The following CEP97 variants were observed in gnomAD, a reference collection of about 807,000 sequenced individuals.
The protein encoded by CEP97 is centrosomal protein 97, also known as centrosomal protein of 97 kDa.
In CEP97, 43 loss-of-function variants were observed where a neutral mutation model predicts 73.1. The observed-to-expected ratio is 0.59, with a 90% CI of 0.46 to 0.76. The LOEUF (loss-of-function observed/expected upper bound fraction) is 0.76. Ranked by LOEUF, CEP97 falls within the 30% of genes least tolerant of loss-of-function variation. The pLI is 0.00. For synonymous variants in CEP97, 337 were observed against 370.0 expected (o/e 0.91, Z 1.02); for missense variants, 939 against 1,014.0 (o/e 0.93, Z 1.00).
intron 6 of CEP97, among the ~76,000 whole-genome samples, chr3:101,740,472 C>T (rs1938414075): frequency 6.6e-6 from 1 of 152,066 alleles, no homozygotes; most frequent in Non-Finnish European, 1.5e-5. Flanking sequence ...AGAGAGGACA[C>T]AAACAAATGG....
Position 101,727,558 on chromosome 3 carries a change from T to C in CEP97, c.345+17T>C. On this transcript the variant is annotated intron_variant, in intron 3 of 10. Coordinates refer to ENST00000341893, the MANE Select transcript of CEP97 (RefSeq NM_024548.4). ...AATCTTAAGGTGAATGGTTTCTTTT[T>C]TGTTTACAAAACTATTCTGCGTAAA... The C allele has an allele frequency of 1.3e-6, 2 of 1,585,948 alleles. No individual in the cohort carries two copies. The highest frequency in any genetic ancestry group is 1.4e-5 in the African/African-American group (1 of 73,794).
chr3:101,734,069 G>T (rs1156595047), intron 6 of CEP97, among the ~76,000 whole-genome samples: 1 of 149,996 alleles, frequency 6.7e-6, no homozygotes, highest in Non-Finnish European at 1.5e-5. Flanking sequence ...CAGGTGATGC[G>T]CCCGCCTCGG....
At chr3:101,750,809 C>G (rs1560016628) in intron 6 of CEP97, among the ~76,000 whole-genome samples, 1 of 151,944 alleles carries the variant, frequency 6.6e-6, no homozygotes, top group African/African-American at 2.4e-5. Context: ...CTCTTTTCTT[C>G]TTTATTAGTC....
At chr3:101,752,162 G>T (rs372035420) in intron 6 of CEP97, among the ~76,000 whole-genome samples, 1 of 152,140 alleles carries the variant, frequency 6.6e-6, no homozygotes, top group South Asian at 2.1e-4. Context: ...AGCTTAGTAT[G>T]CCTGGATATG....
chr3:101,731,453 G>A (rs931899645), intron 4 of CEP97, among the ~76,000 whole-genome samples: 1 of 151,778 alleles, frequency 6.6e-6, no homozygotes, highest in Non-Finnish European at 1.5e-5. Context: ...TTCCCTCCTT[G>A]GCCTCCCAAA....
intron 9 of CEP97, among the ~76,000 whole-genome samples, chr3:101,762,135 T>A (rs533048754): frequency 6.6e-6 from 1 of 152,296 alleles, no homozygotes; most frequent in African/African-American, 2.4e-5. Context: ...TTTGTTTGGC[T>A]GAGAAATTGA....
Position 101,769,275 on chromosome 3 carries a change from A to AATAT in CEP97, c.*3725_*3728dup, listed in dbSNP as rs1418031987. The stretch of plus-strand genomic sequence containing the variant: ...ATGGTAAAAAGAAAAAAATAGAATG[A>AATAT]ATATGATCATTTCTCCATCATAAAG... On this transcript the variant is annotated 3_prime_UTR_variant, in exon 11 of 11. Coordinates refer to ENST00000341893, the MANE Select transcript of CEP97 (RefSeq NM_024548.4). The AATAT allele has an allele frequency of 6.6e-6, 1 of 152,054 alleles. No individual in the cohort carries two copies. The highest frequency in any genetic ancestry group is 1.5e-5 in the Non-Finnish European group (1 of 68,004). 9.4% of individuals were successfully genotyped at this position (152,054 alleles called of 1,614,324 possible). A position where few individuals can be genotyped will look rare whatever the true frequency, so the allele number is the denominator to read the frequency against.
chr3:101,728,529 G>T (rs1248196797), intron 3 of CEP97, among the ~76,000 whole-genome samples: 1 of 151,772 alleles, frequency 6.6e-6, no homozygotes, highest in African/African-American at 2.4e-5. Flanking sequence ...CTCCCAAAGT[G>T]CTGGGATTAC....
intron 6 of CEP97, among the ~76,000 whole-genome samples, chr3:101,749,327 T>A (rs1938728652): frequency 6.7e-6 from 1 of 150,350 alleles, no homozygotes; most frequent in South Asian, 2.1e-4. Flanking sequence ...CATGAACTCA[T>A]CATTTTTTAT....
chr3:101,734,228 T>G (rs1473447249), intron 6 of CEP97, among the ~76,000 whole-genome samples: 1 of 152,162 alleles, frequency 6.6e-6, no homozygotes, highest in African/African-American at 2.4e-5. Flanking sequence ...CCCTGCAGAA[T>G]GGAGTCTTCT....
At chr3:101,739,516 C>T (rs1170758768) in intron 6 of CEP97, among the ~76,000 whole-genome samples, 1 of 152,196 alleles carries the variant, frequency 6.6e-6, no homozygotes, top group African/African-American at 2.4e-5. Flanking sequence ...GCTGGTTCAT[C>T]ATATGCAAAT....
intron 6 of CEP97, among the ~76,000 whole-genome samples, chr3:101,753,611 G>A (rs917419402): frequency 6.6e-6 from 1 of 152,240 alleles, no homozygotes; most frequent in African/African-American, 2.4e-5. Flanking sequence ...GCAATGGCGG[G>A]CGCCCCTCCC....
intron 6 of CEP97, among the ~76,000 whole-genome samples, chr3:101,749,301 A>C (rs1045498876): frequency 6.6e-6 from 1 of 150,994 alleles, no homozygotes; most frequent in Non-Finnish European, 1.5e-5. Flanking sequence ...AATTTCATCC[A>C]TGTCCCTACA....
chr3:101,755,486 A>G lies in CEP97; in HGVS notation c.785A>G (p.Gln262Arg). Residue 262 changes from glutamine to arginine, a missense_variant, in exon 7 of 11, where the codon CAG (glutamine) becomes CGG (arginine). Physicochemically the swap from Gln to Arg is conservative, Grantham distance 43. Coordinates refer to ENST00000341893, the MANE Select transcript of CEP97 (RefSeq NM_024548.4). ...AAGGGGAGAGCATATCGGCCTGGCC[A>G]GCACATCCAGCTTGTCCAATATCTG... Reference protein sequence around the residue: ...QGKGRAYRPGQHIQLVQYLAT... With the variant: ...QGKGRAYRPGRHIQLVQYLAT... The G allele has an allele frequency of 6.2e-7, 1 of 1,614,178 alleles. No homozygotes were observed. The highest frequency in any genetic ancestry group is 8.5e-7 in the Non-Finnish European group (1 of 1,180,026).
rs140612620 is a variant in CEP97, at chr3:101,765,228, A to C, written c.2275A>C (p.Asn759His). ...TGTTAGTGAAGAACATGGTGAATGG[A>C]ATAAGGAAAGCTCAAATAACGAGCA... Reference protein sequence around the residue: ...GDVSEEHGEWNKESSNNEQDN... With the variant: ...GDVSEEHGEWHKESSNNEQDN... The change falls in exon 11 of 11, where the codon AAT becomes CAT. Residue 759 changes from asparagine to histidine, a missense_variant. Transcript: ENST00000341893. The C allele has an allele frequency of 6.2e-7, 1 of 1,614,188 alleles. No homozygotes were observed. Among genetic ancestry groups the C allele is most frequent in the African/African-American group, 1.3e-5 (1 of 75,056 alleles).
In CEP97 at chr3:101,765,442, G is replaced by A. The variant is rs138953348; in HGVS notation, c.2489G>A (p.Gly830Asp). ...CATGGCATATCTCCTCCTTTGCAAG[G>A]TGAAATTAGCCAGACACAAGAGAAT... ...ESHGISPPLQ[G>D]EISQTQENSK... The change falls in exon 11 of 11, where the codon GGT (glycine) becomes GAT (aspartate). Residue 830 changes from glycine to aspartate, a missense_variant. Gly to Asp is a moderately conservative substitution (Grantham distance 94). Transcript: ENST00000341893. The A allele has an allele frequency of 1.1e-5, 18 of 1,613,996 alleles. No homozygotes were observed. Among genetic ancestry groups the A allele is most frequent in the African/African-American group, 4.0e-5 (3 of 74,912 alleles).
intron 1 of CEP97, among the ~76,000 whole-genome samples, chr3:101,725,559 C>A (rs1055821675): frequency 6.6e-6 from 1 of 152,154 alleles, no homozygotes; most frequent in Non-Finnish European, 1.5e-5. Flanking sequence ...AAAGGCTGTG[C>A]ACTTTTCTGA....
At chr3:101,737,324 A>G (rs1320417745) in intron 6 of CEP97, among the ~76,000 whole-genome samples, 1 of 152,214 alleles carries the variant, frequency 6.6e-6, no homozygotes, top group Non-Finnish European at 1.5e-5. Context: ...CAACATTCAA[A>G]TTCAGGAAAT....
At chr3:101,727,310 T>TAA in intron 2 of CEP97, 73 bp from the exon 3 acceptor site, 1 of 1,318,660 alleles carries the variant, frequency 7.6e-7, no homozygotes, top group Non-Finnish European at 1.1e-6. Context: ...TAAATAAACC[T>TAA]TTTAAATCAC....
Sources: allele counts gnomAD v4.1 joint callset (sites outside exome capture counted in the v4.1 genomes callset), GRCh38; gene constraint gnomAD v4.1.1; transcripts MANE v1.5; gene names NCBI Gene and HGNC (gene_info 2026-07-23, HGNC 2026-07-21).